The following NRG3 variants were observed in gnomAD, a reference collection of about 807,000 sequenced individuals.
The protein encoded by NRG3 is pro-neuregulin-3, membrane-bound isoform.
A neutral mutation model predicts 66.9 loss-of-function variants in NRG3; 31 were observed. The observed-to-expected ratio is 0.46, with a 90% CI of 0.35 to 0.63. The LOEUF is 0.63. Among genes scored for constraint, NRG3 ranks in the 20% least tolerant of loss-of-function variants. The pLI is 0.00. For synonymous variants in NRG3, 393 were observed against 359.4 expected (o/e 1.09, Z -1.06); for missense variants, 910 against 878.9 (o/e 1.04, Z -0.45).
chr10:82,978,861 T>C (rs933876394), intron 7 of NRG3, 89 bp from the exon 8 acceptor site: 3 of 1,341,028 alleles, frequency 2.2e-6, no homozygotes, highest in Middle Eastern at 2.5e-4. Flanking sequence ...GCAGATTCAG[T>C]GTTTGCAAAG....
intron 2 of NRG3, among the ~76,000 whole-genome samples, chr10:82,659,022 A>G (rs17095403): frequency 0.026 from 3,924 of 152,342 alleles, 192 homozygotes; most frequent in African/African-American, 0.089. Context: ...TGGAATTTCA[A>G]ACATTAATGG....
At chr10:82,784,088 A>G (rs1249384625) in intron 3 of NRG3, among the ~76,000 whole-genome samples, 2 of 152,228 alleles carry the variant, frequency 1.3e-5, no homozygotes, top group East Asian at 1.9e-4. Flanking sequence ...GACAAACCTG[A>G]GAAAAACAAG....
chr10:82,090,336 A>G (rs1161073711), intron 1 of NRG3, among the ~76,000 whole-genome samples: 2 of 152,230 alleles, frequency 1.3e-5, no homozygotes, highest in Non-Finnish European at 2.9e-5. Flanking sequence ...GTTTATAGCT[A>G]TCAGAAAGTT....
intron 1 of NRG3, among the ~76,000 whole-genome samples, chr10:82,235,008 A>G (rs1263014644): frequency 2.0e-5 from 3 of 152,236 alleles, no homozygotes; most frequent in East Asian, 1.9e-4. Flanking sequence ...GCTCTCTCCA[A>G]TAATTTTTGT....
chr10:81,994,886 A>C (rs996694125), intron 1 of NRG3, among the ~76,000 whole-genome samples: 2 of 152,212 alleles, frequency 1.3e-5, no homozygotes, highest in Non-Finnish European at 2.9e-5. Flanking sequence ...ATCTATTTTT[A>C]TGGTAGCTCT....
intron 2 of NRG3, among the ~76,000 whole-genome samples, chr10:82,527,438 T>C (rs1489202867): frequency 6.6e-6 from 1 of 152,158 alleles, no homozygotes; most frequent in Non-Finnish European, 1.5e-5. Flanking sequence ...TGGGAAGGAA[T>C]TATAGAGGGC....
chr10:82,656,031 G>C (rs2051821391), intron 2 of NRG3, among the ~76,000 whole-genome samples: 1 of 152,152 alleles, frequency 6.6e-6, no homozygotes, highest in African/African-American at 2.4e-5. Context: ...TCTAAAAGTA[G>C]TTTCTTGAAG....
intron 2 of NRG3, among the ~76,000 whole-genome samples, chr10:82,724,513 G>A (rs1200891367): frequency 1.3e-5 from 2 of 152,192 alleles, no homozygotes; most frequent in Non-Finnish European, 2.9e-5. Flanking sequence ...TTATGCTGTT[G>A]AATGAGGGTT....
At chr10:82,079,076 T>A (rs2065245836) in intron 1 of NRG3, among the ~76,000 whole-genome samples, 2 of 152,150 alleles carry the variant, frequency 1.3e-5, no homozygotes, top group Non-Finnish European at 2.9e-5. Context: ...ATTTTTTATT[T>A]TTTTTTTTGA....
At chr10:82,586,867 GAT>G (rs1461973617) in intron 2 of NRG3, among the ~76,000 whole-genome samples, 1 of 152,106 alleles carries the variant, frequency 6.6e-6, no homozygotes, top group Non-Finnish European at 1.5e-5. Flanking sequence ...TAATCAAAAA[GAT>G]ATTTTGAAGA....
intron 1 of NRG3, among the ~76,000 whole-genome samples, chr10:82,167,737 T>A (rs1164618992): frequency 6.6e-6 from 1 of 152,156 alleles, no homozygotes; most frequent in East Asian, 1.9e-4. Context: ...AAATATTTGC[T>A]TATATTTACC....
intron 2 of NRG3, among the ~76,000 whole-genome samples, chr10:82,580,928 TG>T: frequency 6.6e-6 from 1 of 151,808 alleles, no homozygotes; most frequent in Non-Finnish European, 1.5e-5. Context: ...TGTGTGTGTG[TG>T]TGTGTGTGTA....
chr10:82,893,493 C>T (rs1229307008), intron 4 of NRG3, among the ~76,000 whole-genome samples: 2 of 151,996 alleles, frequency 1.3e-5, no homozygotes, highest in East Asian at 3.9e-4. Context: ...ATCGAGACCA[C>T]CCTGGCCAAC....
At chr10:81,984,868 A>G (rs2060463967) in intron 1 of NRG3, among the ~76,000 whole-genome samples, 1 of 152,260 alleles carries the variant, frequency 6.6e-6, no homozygotes, top group South Asian at 2.1e-4. Context: ...TGGAGGTAAC[A>G]TTATAAAATA....
At chr10:82,397,487 G>C (rs369428960) in intron 2 of NRG3, among the ~76,000 whole-genome samples, 2 of 152,154 alleles carry the variant, frequency 1.3e-5, no homozygotes, top group East Asian at 1.9e-4. Flanking sequence ...GAGCCAATTA[G>C]GAAGAAATGA....
chr10:82,814,504 T>C (rs929959555), intron 3 of NRG3, among the ~76,000 whole-genome samples: 5 of 152,172 alleles, frequency 3.3e-5, no homozygotes, highest in African/African-American at 1.2e-4. Flanking sequence ...GGAGCCAGGT[T>C]TATGATATGG....
At chr10:82,326,132 G>A (rs1170255438) in intron 1 of NRG3, among the ~76,000 whole-genome samples, 1 of 152,024 alleles carries the variant, frequency 6.6e-6, no homozygotes, top group Non-Finnish European at 1.5e-5. Context: ...TTTCACCTCT[G>A]TTTTTGAAAG....
At chr10:82,647,106 A>G (rs934659335) in intron 2 of NRG3, among the ~76,000 whole-genome samples, 31 of 151,880 alleles carry the variant, frequency 2.0e-4, no homozygotes, top group African/African-American at 7.0e-4. Flanking sequence ...TGCACCCATT[A>G]ACTCTTCATT....
At chr10:82,542,492 A>C (rs2043612207) in intron 2 of NRG3, among the ~76,000 whole-genome samples, 1 of 152,216 alleles carries the variant, frequency 6.6e-6, no homozygotes, top group African/African-American at 2.4e-5. Flanking sequence ...AATGGTAAGG[A>C]ATCACATATT....
Sources: gnomAD v4.1 joint callset for allele counts (sites outside exome capture counted in the v4.1 genomes callset) on GRCh38, gnomAD v4.1.1 for gene constraint, MANE v1.5 for transcripts, NCBI Gene and HGNC (gene_info 2026-07-23, HGNC 2026-07-21) for gene names.